COMMD1: variants seen among roughly 807,000 people sequenced by gnomAD.
The protein encoded by COMMD1 is copper metabolism domain containing 1, also known as COMM domain-containing protein 1.
A neutral mutation model predicts 17.2 loss-of-function variants in COMMD1; 10 were observed. That is an observed-to-expected ratio of 0.58 (90% CI 0.36 to 0.99). The LOEUF (loss-of-function observed/expected upper bound fraction) is 0.99. Ranked by LOEUF, COMMD1 falls within the 50% of genes least tolerant of loss-of-function variation. COMMD1 has a pLI of 0.01. For synonymous variants in COMMD1, 97 were observed against 91.6 expected (o/e 1.06, Z -0.34); for missense variants, 270 against 231.8 (o/e 1.17, Z -1.07).
chr2:61,975,118 C>CTTTTTTTTTTTTTTTTTTTTTTTTTTT, intron 1 of COMMD1, among the ~76,000 whole-genome samples: 3 of 80,166 alleles, frequency 3.7e-5, no homozygotes, highest in Non-Finnish European at 4.7e-5. Context: ...TCATTTCTTT[C>CTTTTTTTTTTTTTTTTTTTTTTTTTTT]TTTTTTTTTT....
At chr2:62,009,172 T>C (rs769404751) in intron 2 of COMMD1, among the ~76,000 whole-genome samples, 31 of 152,226 alleles carry the variant, frequency 2.0e-4, no homozygotes, top group Non-Finnish European at 4.3e-4. Flanking sequence ...TAAACTTTAA[T>C]TCTGAATGAG....
rs140439074 is a variant in COMMD1, at chr2:62,041,713, G to A, written c.462+40731G>A. ...TCGCTGACTTCAAGAATGAAGCCGC[G>A]GACCCTCACGGGTGAGTGTTACAGT... is the stretch of plus-strand genomic sequence containing the variant. On this transcript the variant is annotated intron_variant, in intron 2 of 2. Transcript: ENST00000311832. Among the ~76,000 whole-genome samples the A allele has an allele frequency of 3.2e-3, 484 of 152,188 alleles. 1 individual carries two copies. Among genetic ancestry groups the A allele is most frequent in the African/African-American group, 0.01 (424 of 41,524 alleles).
chr2:61,958,788 G>T (rs557683273), intron 1 of COMMD1, among the ~76,000 whole-genome samples: 2 of 151,890 alleles, frequency 1.3e-5, no homozygotes, highest in Non-Finnish European at 2.9e-5. Context: ...TTTTTTCATA[G>T]TATTTATTTA....
At chr2:62,097,856 C>T (rs1558598457) in intron 2 of COMMD1, among the ~76,000 whole-genome samples, 2 of 152,126 alleles carry the variant, frequency 1.3e-5, no homozygotes, top group African/African-American at 2.4e-5. Context: ...TCTACTTCTC[C>T]TAAAGCATTA....
intron 1 of COMMD1, among the ~76,000 whole-genome samples, chr2:61,967,908 C>T (rs192304932): frequency 3.0e-4 from 45 of 152,282 alleles, no homozygotes; most frequent in African/African-American, 1.1e-3. Context: ...TGCCTATAAT[C>T]CCAGCACTTT....
At chr2:61,920,965 G>GTATATA (rs11405052) in intron 1 of COMMD1, among the ~76,000 whole-genome samples, 30 of 127,930 alleles carry the variant, frequency 2.3e-4, no homozygotes, top group African/African-American at 1.8e-4. Context: ...ATATATGTGT[G>GTATATA]TATATATATA....
At chr2:62,050,625 G>A (rs1670509684) in intron 2 of COMMD1, among the ~76,000 whole-genome samples, 1 of 152,152 alleles carries the variant, frequency 6.6e-6, no homozygotes, top group African/African-American at 2.4e-5. Flanking sequence ...TTAAGGAAGA[G>A]GCTTGCTGAG....
At chr2:62,081,430 T>C (rs1401183171) in intron 2 of COMMD1, among the ~76,000 whole-genome samples, 1 of 116,406 alleles carries the variant, frequency 8.6e-6, no homozygotes, top group Non-Finnish European at 1.7e-5. Flanking sequence ...TTTGTATTTT[T>C]AGTAGAGACG....
At chr2:61,963,851 C>T (rs1163121261) in intron 1 of COMMD1, among the ~76,000 whole-genome samples, 1 of 152,164 alleles carries the variant, frequency 6.6e-6, no homozygotes, top group Non-Finnish European at 1.5e-5. Context: ...TGCACTTTAC[C>T]TACCAGTTTT....
chr2:62,070,373 T>C (rs1264034677), intron 2 of COMMD1: 1 of 151,756 alleles, frequency 6.6e-6, no homozygotes, highest in Non-Finnish European at 1.5e-5. Flanking sequence ...TTGCACAACA[T>C]AGCGAGACCC....
chr2:62,026,021 G>A (rs1391107607), intron 2 of COMMD1, among the ~76,000 whole-genome samples: 1 of 152,044 alleles, frequency 6.6e-6, no homozygotes, highest in Non-Finnish European at 1.5e-5. Context: ...TACCTACTTT[G>A]CACTTAGGGA....
At chr2:62,016,163 TTTTTCTTTC>T (rs1252622968) in intron 2 of COMMD1, among the ~76,000 whole-genome samples, 3 of 151,596 alleles carry the variant, frequency 2.0e-5, no homozygotes, top group Non-Finnish European at 4.4e-5. Flanking sequence ...ATCTTTTTTA[TTTTTCTTTC>T]TTTTCTTTTT....
At chr2:61,971,158 G>T (rs1022560676) in intron 1 of COMMD1, among the ~76,000 whole-genome samples, 1 of 152,166 alleles carries the variant, frequency 6.6e-6, no homozygotes, top group Non-Finnish European at 1.5e-5. Context: ...TTGAACACTC[G>T]AACAAAGGAT....
In COMMD1 at chr2:62,119,897, C is replaced by T. The variant is rs549832959; in HGVS notation, c.463-15934C>T. Among the ~76,000 whole-genome samples, 4 of 152,308 alleles carry T rather than the reference C, an allele frequency of 2.6e-5. No homozygotes were observed. In the East Asian group the frequency reaches 5.8e-4, roughly 22 times the overall value. On this transcript the variant is annotated intron_variant, in intron 2 of 2. Transcript: ENST00000311832. ...TCTGTAGATTATCATCCTTAGAAAG[C>T]AAGTACTATTGCATATTTTGTTCAG...
chr2:61,990,953 T>C (rs1672237298), intron 1 of COMMD1, among the ~76,000 whole-genome samples: 1 of 135,494 alleles, frequency 7.4e-6, no homozygotes, highest in African/African-American at 2.7e-5. Flanking sequence ...ATGCCAGGCA[T>C]GGTGGTGCAT....
intron 1 of COMMD1, among the ~76,000 whole-genome samples, chr2:61,932,164 C>G (rs1670482227): frequency 6.6e-6 from 1 of 152,220 alleles, no homozygotes; most frequent in Non-Finnish European, 1.5e-5. Flanking sequence ...CTGGCCTTTT[C>G]TTCCCTCTCT....
chr2:61,931,311 C>G (rs1335290748), intron 1 of COMMD1, among the ~76,000 whole-genome samples: 1 of 151,594 alleles, frequency 6.6e-6, no homozygotes, highest in African/African-American at 2.4e-5. Flanking sequence ...GACCTTGTCT[C>G]AAAAAAATAA....
chr2:62,065,420 C>T (rs1671009259), intron 2 of COMMD1, among the ~76,000 whole-genome samples: 1 of 137,602 alleles, frequency 7.3e-6, no homozygotes. Flanking sequence ...ACCTCCTGGG[C>T]TCAAGCAAGT....
rs185674214 is a variant in COMMD1 at position 62,085,369 on chromosome 2, C to T, written c.463-50462C>T. ...AGCAGCTGGAACTACAGGCGCCCACCGCCACACCCGGCTAATTTTTTGTAT... is the reference window on the plus strand; with the variant it reads ...AGCAGCTGGAACTACAGGCGCCCACTGCCACACCCGGCTAATTTTTTGTAT... On this transcript the variant is annotated intron_variant, in intron 2 of 2. Transcript: ENST00000311832. Among the ~76,000 whole-genome samples, 12 of 151,964 alleles carry T rather than the reference C, an allele frequency of 7.9e-5. 1 individual carries two copies. The highest frequency in any genetic ancestry group is 2.9e-4 in the African/African-American group (12 of 41,446).
Sources: allele counts gnomAD v4.1 joint callset (sites outside exome capture counted in the v4.1 genomes callset), GRCh38; gene constraint gnomAD v4.1.1; transcripts MANE v1.5; gene names NCBI Gene and HGNC (gene_info 2026-07-23, HGNC 2026-07-21).